Variants in COL25A1 observed in about 807,000 individuals in gnomAD.
COL25A1 encodes collagen type XXV alpha 1 chain.
A neutral mutation model predicts 128.4 loss-of-function variants in COL25A1; 103 were observed. The observed-to-expected ratio is 0.80, with a 90% CI of 0.68 to 0.94. COL25A1 has a LOEUF of 0.94. Among genes scored for constraint, COL25A1 ranks in the 40% least tolerant of loss-of-function variants. The probability of loss-of-function intolerance (pLI) is 0.00; values close to 1 mark genes in which losing one functional copy is unlikely to be tolerated. For missense variants in COL25A1, 745 were observed against 840.0 expected, an observed-to-expected ratio of 0.89 and a Z score of 1.40; for synonymous variants, 279 against 277.2, an observed-to-expected ratio of 1.01 and a Z score of -0.06.
intron 3 of COL25A1, among the ~76,000 whole-genome samples, chr4:109,159,654 A>G (rs184372689): frequency 4.3e-4 from 66 of 152,354 alleles, no homozygotes; most frequent in Admixed American, 9.2e-4. Context: ...AAGAACATTA[A>G]TCATGAAGAA....
At chr4:109,044,002 G>T (rs1760175778) in intron 5 of COL25A1, among the ~76,000 whole-genome samples, 1 of 151,962 alleles carries the variant, frequency 6.6e-6, no homozygotes, top group Non-Finnish European at 1.5e-5. Flanking sequence ...ATAGAAAAAA[G>T]TATGTGATAT....
At chr4:108,863,431 C>T (rs781368383) in intron 20 of COL25A1, 44 bp from the exon 21 acceptor site, 3 of 1,530,134 alleles carry the variant, frequency 2.0e-6, no homozygotes, top group Middle Eastern at 3.4e-4. Flanking sequence ...TCCCCCCACC[C>T]AGGCTGGTCC....
chr4:109,139,336 A>G (rs2126083171), intron 3 of COL25A1, among the ~76,000 whole-genome samples: 1 of 151,992 alleles, frequency 6.6e-6, no homozygotes, highest in East Asian at 1.9e-4. Flanking sequence ...GTTTAATTAG[A>G]TCTCATTTGC....
intron 3 of COL25A1, among the ~76,000 whole-genome samples, chr4:109,193,950 G>GA (rs1055459359): frequency 2.0e-5 from 3 of 152,182 alleles, no homozygotes; most frequent in Admixed American, 2.0e-4. Context: ...AGGGAGAGAA[G>GA]AAAGAGTTAA....
chr4:109,193,221 C>T (rs1322412562), intron 3 of COL25A1, among the ~76,000 whole-genome samples: 2 of 151,668 alleles, frequency 1.3e-5, no homozygotes, highest in Admixed American at 6.6e-5. Flanking sequence ...TCAATTCAAG[C>T]AACCAGGAAA....
At chr4:109,050,619 A>G (rs1434875263) in intron 3 of COL25A1, among the ~76,000 whole-genome samples, 2 of 152,082 alleles carry the variant, frequency 1.3e-5, no homozygotes, top group East Asian at 3.8e-4. Flanking sequence ...TAATTTTCTG[A>G]AAATGTTTAG....
chr4:108,973,165 G>A (rs1752090698), intron 8 of COL25A1, among the ~76,000 whole-genome samples: 2 of 152,166 alleles, frequency 1.3e-5, no homozygotes, highest in African/African-American at 4.8e-5. Flanking sequence ...ACCACATACA[G>A]AGCAAATGGC....
Position 109,142,222 on chromosome 4 carries a change from T to C in COL25A1, c.368-92043A>G, listed in dbSNP as rs11946438. Among the ~76,000 whole-genome samples the C allele has an allele frequency of 2.0e-5, 3 of 152,194 alleles. No homozygotes were observed. The South Asian group carries it at 6.2e-4, about 31-fold the overall frequency. ...TCAGGAGCAGGTTGTTCAGTTTCCA[T>C]GTAGTTGTGCAGTTTTGAGTGAGTT... On this transcript the variant is annotated intron_variant, in intron 3 of 37. Coordinates refer to ENST00000399132, the MANE Select transcript of COL25A1 (RefSeq NM_198721.4).
At chr4:108,956,928 C>T (rs1430312820) in intron 8 of COL25A1, among the ~76,000 whole-genome samples, 2 of 152,044 alleles carry the variant, frequency 1.3e-5, no homozygotes, top group South Asian at 2.1e-4. Context: ...AAGAAAGTAA[C>T]GGTGTGTGAA....
intron 4 of COL25A1, among the ~76,000 whole-genome samples, chr4:109,049,443 T>C (rs1284781828): frequency 2.0e-5 from 3 of 152,222 alleles, no homozygotes; most frequent in African/African-American, 4.8e-5. Context: ...GTTTTACATA[T>C]AGGGATTTGG....
At chr4:109,197,332 ATATATATAT>A (rs1389378148) in intron 3 of COL25A1, among the ~76,000 whole-genome samples, 1 of 134,792 alleles carries the variant, frequency 7.4e-6, no homozygotes, top group Non-Finnish European at 1.5e-5. Context: ...TCTCAAGTAT[ATATATATAT>A]TATATATATA....
intron 3 of COL25A1, among the ~76,000 whole-genome samples, chr4:109,283,864 T>C (rs1029906538): frequency 6.6e-6 from 1 of 152,198 alleles, no homozygotes; most frequent in Non-Finnish European, 1.5e-5. Context: ...ACCTCCAAAC[T>C]ACTTCCTTCC....
chr4:108,939,858 C>G (rs1747874065), intron 10 of COL25A1, among the ~76,000 whole-genome samples: 1 of 152,090 alleles, frequency 6.6e-6, no homozygotes, highest in Admixed American at 6.6e-5. Context: ...CTGCCTTTTA[C>G]TACTATATCA....
At chr4:108,886,478 G>GTTTT (rs1376745333) in intron 18 of COL25A1, among the ~76,000 whole-genome samples, 3 of 125,426 alleles carry the variant, frequency 2.4e-5, no homozygotes, top group African/African-American at 9.4e-5. Context: ...GTGTGTGTGT[G>GTTTT]TGTGTGTGTG....
intron 24 of COL25A1, among the ~76,000 whole-genome samples, chr4:108,853,231 A>G (rs1385494926): frequency 6.6e-6 from 1 of 152,168 alleles, no homozygotes; most frequent in East Asian, 1.9e-4. Context: ...GAGGCTTGTC[A>G]GTATAATTGT....
chr4:109,243,230 A>T (rs1009132470), intron 3 of COL25A1, among the ~76,000 whole-genome samples: 1 of 152,056 alleles, frequency 6.6e-6, no homozygotes, highest in African/African-American at 2.4e-5. Context: ...TAAAAAGAGT[A>T]TAACCTTCAA....
intron 3 of COL25A1, among the ~76,000 whole-genome samples, chr4:109,106,394 T>C (rs1302597247): frequency 6.6e-6 from 1 of 152,188 alleles, no homozygotes; most frequent in African/African-American, 2.4e-5. Flanking sequence ...AATGAGTTTT[T>C]AGCTTAAAGT....
chr4:109,013,300 A>G (rs1270986784), intron 5 of COL25A1, among the ~76,000 whole-genome samples: 1 of 146,500 alleles, frequency 6.8e-6, no homozygotes, highest in Non-Finnish European at 1.5e-5. Flanking sequence ...AGAGGATTGT[A>G]AATACACCAA....
At chr4:109,065,264 C>T (rs929297783) in intron 3 of COL25A1, among the ~76,000 whole-genome samples, 3 of 152,254 alleles carry the variant, frequency 2.0e-5, no homozygotes, top group East Asian at 1.9e-4. Flanking sequence ...CTACACACTC[C>T]GTCTTTCTTG....
Sources: gnomAD v4.1 joint callset for allele counts (sites outside exome capture counted in the v4.1 genomes callset) on GRCh38, gnomAD v4.1.1 for gene constraint, MANE v1.5 for transcripts, NCBI Gene and HGNC (gene_info 2026-07-23, HGNC 2026-07-21) for gene names.